STARD13: variants seen among roughly 807,000 people sequenced by gnomAD.
STARD13 encodes the protein StAR related lipid transfer domain containing 13, also known as stAR-related lipid transfer protein 13.
Under a neutral mutation model 106.4 loss-of-function variants are expected in STARD13, and 62 were observed. The ratio of observed to expected loss-of-function variants is 0.58; its 90% confidence interval spans 0.48 to 0.72. STARD13 has a LOEUF of 0.72. Among genes scored for constraint, STARD13 ranks in the 30% least tolerant of loss-of-function variants. The pLI, the probability that STARD13 is intolerant of heterozygous loss-of-function variation, is 0.00. For missense variants in STARD13, 1,387 were observed against 1,424.0 expected, an observed-to-expected ratio of 0.97 and a Z score of 0.42; for synonymous variants, 565 against 553.0, an observed-to-expected ratio of 1.02 and a Z score of -0.31.
At chr13:33,303,298 C>G (rs1214199396) in intron 1 of STARD13, among the ~76,000 whole-genome samples, 2 of 152,290 alleles carry the variant, frequency 1.3e-5, no homozygotes, top group Admixed American at 1.3e-4. Flanking sequence ...ATCTTTGAAC[C>G]TTTCTCTTGA....
the STARD13 span, among the ~76,000 whole-genome samples, chr13:33,497,709 G>C: frequency 3.6e-3 from 548 of 152,194 alleles, 2 homozygotes; most frequent in African/African-American, 0.013. Context: ...TATTACTGTA[G>C]TTTCAACATC....
At chr13:33,363,901 A>G in the STARD13 span, among the ~76,000 whole-genome samples, 4 of 152,226 alleles carry the variant, frequency 2.6e-5, no homozygotes. Context: ...AGATATGCCT[A>G]TGCGTTACCC....
At chr13:33,256,050 A>C (rs967150103) in intron 1 of STARD13, among the ~76,000 whole-genome samples, 1 of 152,252 alleles carries the variant, frequency 6.6e-6, no homozygotes, top group Non-Finnish European at 1.5e-5. Flanking sequence ...TGTGTTCATT[A>C]ATGAAGCCTA....
chr13:33,166,491 C>T (rs1883327854), intron 2 of STARD13, among the ~76,000 whole-genome samples: 1 of 152,136 alleles, frequency 6.6e-6, no homozygotes, highest in African/African-American at 2.4e-5. Context: ...GTGCACCGTT[C>T]CTCGTGGCCA....
intron 1 of STARD13, among the ~76,000 whole-genome samples, chr13:33,183,295 C>T (rs965550102): frequency 2.6e-5 from 4 of 152,194 alleles, no homozygotes. Flanking sequence ...TCAAGACATG[C>T]TGAATTAAGG....
chr13:33,558,275 A>G, the STARD13 span, among the ~76,000 whole-genome samples: 2 of 152,198 alleles, frequency 1.3e-5, no homozygotes, highest in African/African-American at 4.8e-5. Context: ...CCTTATCTAT[A>G]AATTGGGGAT....
chr13:33,606,763 G>A, the STARD13 span, among the ~76,000 whole-genome samples: 1 of 152,216 alleles, frequency 6.6e-6, no homozygotes, highest in East Asian at 1.9e-4. Flanking sequence ...GTCTAACACT[G>A]GTGTTATTGG....
chr13:33,209,785 A>G (rs1318373858), intron 1 of STARD13, among the ~76,000 whole-genome samples: 2 of 151,986 alleles, frequency 1.3e-5, no homozygotes, highest in African/African-American at 4.8e-5. Context: ...AACCTAGGCA[A>G]CACAGAGACA....
intron 1 of STARD13, among the ~76,000 whole-genome samples, chr13:33,198,086 T>C (rs1886765743): frequency 6.6e-6 from 1 of 152,128 alleles, no homozygotes; most frequent in Non-Finnish European, 1.5e-5. Flanking sequence ...GAGAATTGCT[T>C]GAACCCAGGA....
At chr13:33,280,076 G>C (rs1340021054) in intron 1 of STARD13, 1 of 152,298 alleles carries the variant, frequency 6.6e-6, no homozygotes, top group East Asian at 1.9e-4. Flanking sequence ...TCACCCTCCA[G>C]GTTTGAAAGT....
In STARD13 at chr13:33,223,352, G is replaced by A. The variant is rs538692040; in HGVS notation, c.170-55730C>T. ...GTAAGACACTTCTGGTTGTATAGGC[G>A]AAATACACTTAAAAATACAATTATG... On this transcript the variant is annotated intron_variant, in intron 1 of 13. Transcript: ENST00000336934. Among the ~76,000 whole-genome samples, 6 of 152,216 alleles carry A rather than the reference G, an allele frequency of 3.9e-5. No individual in the cohort carries two copies. The East Asian group carries it at 5.8e-4, about 15-fold the overall frequency.
At chr13:33,376,972 G>T in the STARD13 span, among the ~76,000 whole-genome samples, 1 of 152,206 alleles carries the variant, frequency 6.6e-6, no homozygotes, top group African/African-American at 2.4e-5. Flanking sequence ...CTTTGGGAAG[G>T]AATGAACATG....
chr13:33,246,700 A>G (rs1240107423), intron 1 of STARD13, among the ~76,000 whole-genome samples: 2 of 152,236 alleles, frequency 1.3e-5, no homozygotes, highest in Non-Finnish European at 2.9e-5. Context: ...ATTGATGACC[A>G]TAAAACAAAA....
the STARD13 span, among the ~76,000 whole-genome samples, chr13:33,623,455 T>G: frequency 7.8e-6 from 1 of 127,890 alleles, no homozygotes; most frequent in Non-Finnish European, 1.7e-5. Flanking sequence ...AAAAAAAAAG[T>G]CTGCTTCTGA....
rs765834265 is a variant in STARD13 at position 33,126,176 on chromosome 13, C to G, written c.1987G>C (p.Val663Leu). Residue 663 changes from valine (V) to leucine (L), a missense_variant, in exon 7 of 14, where the codon GTT (valine) becomes CTT (leucine). Physicochemically the swap from Val to Leu is conservative, Grantham distance 32. Transcript: ENST00000336934. ...PDYKDKAVFGVPLIVHVQRTG... is the reference protein window; with the variant it reads ...PDYKDKAVFGLPLIVHVQRTG... The stretch of plus-strand genomic sequence containing the variant: ...CTTTGGACGTGGACTATGAGAGGAA[C>G]GCCAAAGACAGCCTTGTCTTTGTAG... 1 of 1,614,148 alleles carries G rather than the reference C, an allele frequency of 6.2e-7. No individual in the cohort carries two copies. The highest frequency in any genetic ancestry group is 1.7e-5 in the Admixed American group (1 of 60,020).
chr13:33,109,948 T>C lies in STARD13; in HGVS notation c.2972A>G (p.Asp991Gly), dbSNP rs1874281999. 1.2e-6 allele frequency: 2 copies of C among 1,614,192 alleles called. No homozygotes were observed. Among genetic ancestry groups the C allele is most frequent in the East Asian group, 2.2e-5 (1 of 44,888 alleles). Residue 991 changes from aspartate (D) to glycine (G), a missense_variant, in exon 12 of 14, where the codon GAC becomes GGC. By Grantham distance (94) the Asp-to-Gly change is moderately conservative. Transcript: ENST00000336934. ...ATACTGGTAGATCTCTGTTTGCCTG[T>C]CTAGAGTTTCCACAACCTTCCACTG... is the stretch of plus-strand genomic sequence containing the variant. Reference protein sequence around the residue: ...FVQWKVVETLDRQTEIYQYVL... With the variant: ...FVQWKVVETLGRQTEIYQYVL...
chr13:33,674,320 A>G, the STARD13 span, among the ~76,000 whole-genome samples: 3 of 152,252 alleles, frequency 2.0e-5, no homozygotes, highest in Non-Finnish European at 4.4e-5. Context: ...ACATGAAATC[A>G]TAATAGTTAA....
chr13:33,173,978 C>T (rs931864329), intron 1 of STARD13, among the ~76,000 whole-genome samples: 6 of 152,126 alleles, frequency 3.9e-5, no homozygotes, highest in African/African-American at 1.4e-4. Context: ...AATTCCTTCA[C>T]CAATTCTACA....
At chr13:33,243,271 C>A (rs1171621842) in intron 1 of STARD13, among the ~76,000 whole-genome samples, 2 of 152,184 alleles carry the variant, frequency 1.3e-5, no homozygotes, top group South Asian at 4.1e-4. Context: ...CTCTAAAGTA[C>A]AAAAGTAAAT....
Sources: allele counts gnomAD v4.1 joint callset (sites outside exome capture counted in the v4.1 genomes callset), GRCh38; gene constraint gnomAD v4.1.1; transcripts MANE v1.5; gene names NCBI Gene and HGNC (gene_info 2026-07-23, HGNC 2026-07-21).